Variants in CACNA2D3 observed in about 807,000 individuals in gnomAD.
CACNA2D3 encodes the protein calcium voltage-gated channel auxiliary subunit alpha2delta 3.
Under a neutral mutation model 160.6 loss-of-function variants are expected in CACNA2D3, and 60 were observed. The observed-to-expected ratio is 0.37, with a 90% CI of 0.30 to 0.46. CACNA2D3 has a LOEUF of 0.46. CACNA2D3 is among the 20% of genes least tolerant of loss of function. CACNA2D3 has a pLI of 1.00. For synonymous variants in CACNA2D3, 558 were observed against 492.9 expected (o/e 1.13, Z -1.75); for missense variants, 1,205 against 1,365.0 (o/e 0.88, Z 1.85).
chr3:54,181,284 T>C (rs1033367344), intron 2 of CACNA2D3, among the ~76,000 whole-genome samples: 1 of 152,198 alleles, frequency 6.6e-6, no homozygotes, highest in African/African-American at 2.4e-5. Flanking sequence ...ATCAAGATAC[T>C]CATATTTAGC....
At chr3:54,377,762 A>G (rs1468146151) in intron 3 of CACNA2D3, among the ~76,000 whole-genome samples, 1 of 152,186 alleles carries the variant, frequency 6.6e-6, no homozygotes, top group Non-Finnish European at 1.5e-5. Flanking sequence ...AAACTTCTTG[A>G]GGCCTAAGAC....
At chr3:54,704,204 G>C (rs1348343159) in intron 11 of CACNA2D3, among the ~76,000 whole-genome samples, 2 of 152,186 alleles carry the variant, frequency 1.3e-5, no homozygotes, top group Non-Finnish European at 2.9e-5. Flanking sequence ...AAATTGAAAG[G>C]TTATTCAGAC....
Position 54,122,669 on chromosome 3 carries a change from CCGCTCTCGTCGCCGCCGCAGCGGG to C in CACNA2D3, c.-41_-18del. The C allele has an allele frequency of 2.9e-6, 3 of 1,034,492 alleles. No individual in the cohort carries two copies. The highest frequency in any genetic ancestry group is 8.3e-5 in the East Asian group (1 of 12,102). 64.1% of individuals were successfully genotyped at this position (1,034,492 alleles called of 1,614,324 possible). A position where few individuals can be genotyped will look rare whatever the true frequency, so the allele number is the denominator to read the frequency against. ...GCCCGCTCCGCGCAGCTCCCCGCGG[CCGCTCTCGTCGCCGCCGCAGCGGG>C]CGCGTCGGAGGGAGCCCAGCATGGC... is the stretch of plus-strand genomic sequence containing the variant. On this transcript the variant is annotated 5_prime_UTR_variant, in exon 1 of 38. Coordinates refer to ENST00000474759, the MANE Select transcript of CACNA2D3 (RefSeq NM_018398.3).
intron 5 of CACNA2D3, among the ~76,000 whole-genome samples, chr3:54,532,929 A>C (rs1367556190): frequency 6.6e-6 from 1 of 152,188 alleles, no homozygotes; most frequent in East Asian, 1.9e-4. Context: ...GAGTAGGATA[A>C]GCCCCTTTCT....
chr3:54,512,608 T>A (rs1701477432), intron 5 of CACNA2D3, among the ~76,000 whole-genome samples: 1 of 152,142 alleles, frequency 6.6e-6, no homozygotes, highest in South Asian at 2.1e-4. Context: ...GAGGTAGAGT[T>A]GCTGGGTCAG....
At chr3:54,250,515 C>T (rs1381849898) in intron 2 of CACNA2D3, among the ~76,000 whole-genome samples, 1 of 152,028 alleles carries the variant, frequency 6.6e-6, no homozygotes, top group Admixed American at 6.6e-5. Context: ...CTCACTGTAG[C>T]CTCAAACTCC....
chr3:54,328,990 A>G (rs985596767), intron 3 of CACNA2D3, among the ~76,000 whole-genome samples: 23 of 152,164 alleles, frequency 1.5e-4, no homozygotes, highest in Non-Finnish European at 2.9e-5. Flanking sequence ...GAAAGTCAGT[A>G]GTTGCAAGAG....
intron 13 of CACNA2D3, among the ~76,000 whole-genome samples, chr3:54,784,578 T>C (rs930055494): frequency 1.3e-5 from 2 of 152,194 alleles, no homozygotes; most frequent in Admixed American, 6.5e-5. Context: ...ATCAGTCTTA[T>C]ATTCAAACAT....
intron 11 of CACNA2D3, among the ~76,000 whole-genome samples, chr3:54,729,173 G>A (rs779353087): frequency 3.9e-5 from 6 of 151,926 alleles, no homozygotes; most frequent in Admixed American, 6.6e-5. Context: ...CACCCGCCTC[G>A]GCCTCCCAAA....
intron 35 of CACNA2D3, among the ~76,000 whole-genome samples, chr3:55,046,053 T>C (rs1704072337): frequency 6.6e-6 from 1 of 152,004 alleles, no homozygotes; most frequent in African/African-American, 2.4e-5. Flanking sequence ...CTTCTTTAAC[T>C]ATATCCTAAA....
intron 11 of CACNA2D3, among the ~76,000 whole-genome samples, chr3:54,728,659 C>G (rs9871573): frequency 0.064 from 9,791 of 152,176 alleles, 1,010 homozygotes; most frequent in African/African-American, 0.22. Flanking sequence ...TCTTATCTTC[C>G]TCTTAGAAAG....
intron 13 of CACNA2D3, among the ~76,000 whole-genome samples, chr3:54,801,387 T>A (rs1702983472): frequency 6.6e-6 from 1 of 152,184 alleles, no homozygotes; most frequent in African/African-American, 2.4e-5. Context: ...GGACAACTTT[T>A]CTTGAGAGTA....
intron 11 of CACNA2D3, among the ~76,000 whole-genome samples, chr3:54,689,010 A>AGGG (rs368785187): frequency 2.3e-5 from 2 of 85,494 alleles, no homozygotes; most frequent in African/African-American, 4.3e-5. Context: ...AAAAAAAAAA[A>AGGG]AGAATGAGGT....
intron 3 of CACNA2D3, among the ~76,000 whole-genome samples, chr3:54,384,319 C>T (rs1444226994): frequency 6.6e-6 from 1 of 152,136 alleles, no homozygotes; most frequent in Non-Finnish European, 1.5e-5. Flanking sequence ...AGTATTCAGA[C>T]ATGCATAATA....
At position 54,580,095 on chromosome 3, in the gene CACNA2D3, CACTT is replaced by C. The variant is rs372479186; in HGVS notation, c.889-1704_889-1701del. Reference sequence around the variant, plus strand: ...TTTGAATCTGGACTCCACCACCCCTCACTTACTCTCTGGTGTCTTTGGGCAAGTC... The same window carrying C: ...TTTGAATCTGGACTCCACCACCCCTCACTCTCTGGTGTCTTTGGGCAAGTC... On this transcript the variant is annotated intron_variant, in intron 8 of 37. Transcript: ENST00000474759. 2.5e-3 allele frequency among the ~76,000 whole-genome samples: 374 copies of C among 152,180 alleles called. 1 individual carries two copies. The highest frequency in any genetic ancestry group is 8.4e-3 in the African/African-American group (348 of 41,538).
intron 17 of CACNA2D3, among the ~76,000 whole-genome samples, chr3:54,849,536 G>T (rs1311611940): frequency 6.6e-6 from 1 of 152,178 alleles, no homozygotes; most frequent in African/African-American, 2.4e-5. Context: ...GAAATCCAGT[G>T]TCTTCATGGA....
chr3:54,978,855 G>A (rs139503725), intron 29 of CACNA2D3, among the ~76,000 whole-genome samples: 2 of 152,176 alleles, frequency 1.3e-5, no homozygotes, highest in Non-Finnish European at 2.9e-5. Context: ...ATCAACTGAT[G>A]AGACTAGAAC....
At chr3:54,548,117 G>T (rs6798000) in intron 5 of CACNA2D3, among the ~76,000 whole-genome samples, 2 of 152,204 alleles carry the variant, frequency 1.3e-5, no homozygotes, top group Admixed American at 1.3e-4. Flanking sequence ...GAGGAGCTGA[G>T]AAGCTTTGCT....
At position 54,181,872 on chromosome 3, in the gene CACNA2D3, G is replaced by A. The variant is rs542599761; in HGVS notation, c.204+58278G>A. On this transcript the variant is annotated intron_variant, in intron 2 of 37. Transcript: ENST00000474759. ...ATGATTATAAGAGAGAAATGAAACC[G>A]TGGGTGTCCTGGGAGAGCCTGACAC... Among the ~76,000 whole-genome samples the A allele has an allele frequency of 4.6e-5, 7 of 152,216 alleles. No homozygotes were observed. In the East Asian group the frequency reaches 9.7e-4, roughly 21 times the overall value.
Sources: gnomAD v4.1 joint callset for allele counts (sites outside exome capture counted in the v4.1 genomes callset) on GRCh38, gnomAD v4.1.1 for gene constraint, MANE v1.5 for transcripts, NCBI Gene and HGNC (gene_info 2026-07-23, HGNC 2026-07-21) for gene names.